The following MARCHF1 variants were observed in gnomAD, a reference collection of about 807,000 sequenced individuals.
The protein encoded by MARCHF1 is membrane associated ring-CH-type finger 1.
A neutral mutation model predicts 54.2 loss-of-function variants in MARCHF1; 40 were observed. The observed-to-expected ratio is 0.74, with a 90% CI of 0.57 to 0.96. The LOEUF (loss-of-function observed/expected upper bound fraction) is 0.96. Among genes scored for constraint, MARCHF1 ranks in the 40% least tolerant of loss-of-function variants. MARCHF1 has a pLI of 0.00. For missense variants in MARCHF1, 586 were observed against 656.5 expected, an observed-to-expected ratio of 0.89 and a Z score of 1.17; for synonymous variants, 236 against 236.3, an observed-to-expected ratio of 1.00 and a Z score of 0.01.
At chr4:164,194,540 C>A (rs988207363) in intron 1 of MARCHF1, among the ~76,000 whole-genome samples, 4 of 152,000 alleles carry the variant, frequency 2.6e-5, no homozygotes, top group Admixed American at 6.5e-5. Flanking sequence ...CTGTCAAAAT[C>A]TTGCAGTTAA....
chr4:164,190,295 C>G, intron 1 of MARCHF1: 1 of 758,698 alleles, frequency 1.3e-6, no homozygotes, highest in East Asian at 2.5e-5. Flanking sequence ...CAAGCCCTCT[C>G]CCAGCCACGA....
At chr4:163,709,560 C>CTATGTGTGTTG (rs1745046825) in intron 4 of MARCHF1, among the ~76,000 whole-genome samples, 1 of 152,022 alleles carries the variant, frequency 6.6e-6, no homozygotes, top group South Asian at 2.1e-4. Flanking sequence ...AAAGGTATAT[C>CTATGTGTGTTG]TATGTGTGTT....
chr4:164,373,497 G>A (rs534535376), intron 1 of MARCHF1, among the ~76,000 whole-genome samples: 2 of 151,216 alleles, frequency 1.3e-5, no homozygotes, highest in Non-Finnish European at 2.9e-5. Flanking sequence ...TAGGATTACA[G>A]GTGTGAGCCA....
At chr4:163,673,393 A>G (rs1464229775) in intron 5 of MARCHF1, among the ~76,000 whole-genome samples, 1 of 152,198 alleles carries the variant, frequency 6.6e-6, no homozygotes, top group Non-Finnish European at 1.5e-5. Flanking sequence ...CCTTTTAATC[A>G]GCTTAACACT....
chr4:164,022,031 C>T (rs1036049400), intron 2 of MARCHF1, among the ~76,000 whole-genome samples: 1 of 151,790 alleles, frequency 6.6e-6, no homozygotes, highest in Non-Finnish European at 1.5e-5. Context: ...CCATCAATTC[C>T]AGTTATTCCC....
intron 8 of MARCHF1, among the ~76,000 whole-genome samples, chr4:163,549,074 C>G (rs1311537533): frequency 6.6e-6 from 1 of 152,162 alleles, no homozygotes; most frequent in Non-Finnish European, 1.5e-5. Context: ...GAAGGTTGTT[C>G]CTGAGAAGAT....
At chr4:164,244,430 C>T (rs1732875957) in intron 1 of MARCHF1, among the ~76,000 whole-genome samples, 1 of 150,946 alleles carries the variant, frequency 6.6e-6, no homozygotes, top group African/African-American at 2.4e-5. Flanking sequence ...ACACAACATA[C>T]CAGAATCTCT....
intron 1 of MARCHF1, chr4:164,197,861 G>C: frequency 8.1e-7 from 1 of 1,233,502 alleles, no homozygotes; most frequent in Non-Finnish European, 1.1e-6. Flanking sequence ...TATAATAAAG[G>C]GACTGATAAG....
chr4:163,865,275 G>T (rs930220014), intron 3 of MARCHF1, among the ~76,000 whole-genome samples: 5 of 151,846 alleles, frequency 3.3e-5, no homozygotes, highest in Admixed American at 6.6e-5. Context: ...TAAAATATGG[G>T]TTTACAGCTT....
chr4:164,191,408 G>A (rs560272891), intron 1 of MARCHF1, among the ~76,000 whole-genome samples: 38 of 152,238 alleles, frequency 2.5e-4, no homozygotes, highest in East Asian at 9.6e-4. Context: ...GTGTCATCAC[G>A]CATTGTTATT....
chr4:163,954,538 C>T (rs753683729), intron 3 of MARCHF1, among the ~76,000 whole-genome samples: 1 of 152,086 alleles, frequency 6.6e-6, no homozygotes, highest in Non-Finnish European at 1.5e-5. Flanking sequence ...ATGTTCTTTC[C>T]TTTATAGAAT....
intron 1 of MARCHF1, among the ~76,000 whole-genome samples, chr4:164,344,458 T>TTGTGTGTGTGTGTGTGTG (rs144379635): frequency 6.8e-6 from 1 of 147,978 alleles, no homozygotes; most frequent in Admixed American, 6.7e-5. Context: ...ATGCACGTGT[T>TTGTGTGTGTGTGTGTGTG]TGTGTGTGTG....
intron 1 of MARCHF1, among the ~76,000 whole-genome samples, chr4:164,206,846 T>C (rs924494389): frequency 1.3e-5 from 2 of 152,086 alleles, no homozygotes; most frequent in African/African-American, 4.8e-5. Context: ...TTTTATTTAA[T>C]AATTGTAAAT....
chr4:164,229,320 C>T (rs1460933785), intron 1 of MARCHF1, among the ~76,000 whole-genome samples: 4 of 152,160 alleles, frequency 2.6e-5, no homozygotes, highest in African/African-American at 7.2e-5. Context: ...CCTTTGTGTG[C>T]TCTCTCTTTG....
intron 1 of MARCHF1, among the ~76,000 whole-genome samples, chr4:164,217,768 GCCTAAAAGGTGCT>G (rs1731974129): frequency 1.3e-5 from 2 of 152,152 alleles, no homozygotes; most frequent in African/African-American, 4.8e-5. Context: ...CCAAACTGAA[GCCTAAAAGGTGCT>G]CCCCACTCAT....
chr4:163,990,108 A>G (rs1475434974), intron 2 of MARCHF1, among the ~76,000 whole-genome samples: 1 of 152,238 alleles, frequency 6.6e-6, no homozygotes, highest in Non-Finnish European at 1.5e-5. Context: ...GCCAAAAACA[A>G]TATATGTAAA....
chr4:163,951,086 T>G (rs1292621557), intron 3 of MARCHF1, among the ~76,000 whole-genome samples: 1 of 152,104 alleles, frequency 6.6e-6, no homozygotes, highest in Non-Finnish European at 1.5e-5. Context: ...GATTTTAGAC[T>G]GAAAAATAAA....
At chr4:163,763,054 C>T (rs528214408) in intron 4 of MARCHF1, among the ~76,000 whole-genome samples, 8 of 152,150 alleles carry the variant, frequency 5.3e-5, no homozygotes, top group East Asian at 1.9e-4. Context: ...ACTTTTTATA[C>T]GTGTAGTAAA....
At chr4:163,886,694 A>G (rs990840600) in intron 3 of MARCHF1, among the ~76,000 whole-genome samples, 29 of 152,150 alleles carry the variant, frequency 1.9e-4, no homozygotes, top group Non-Finnish European at 5.9e-5. Context: ...CTTCCAAACT[A>G]AAAAGGCATA....
Sources: gnomAD v4.1 joint callset for allele counts (sites outside exome capture counted in the v4.1 genomes callset) on GRCh38, gnomAD v4.1.1 for gene constraint, MANE v1.5 for transcripts, NCBI Gene and HGNC (gene_info 2026-07-23, HGNC 2026-07-21) for gene names.